The following INTS7 variants were observed in gnomAD, a reference collection of about 807,000 sequenced individuals.
The protein encoded by INTS7 is integrator complex subunit 7.
Under a neutral mutation model 109.2 loss-of-function variants are expected in INTS7, and 46 were observed. That is an observed-to-expected ratio of 0.42 (90% CI 0.33 to 0.54). The LOEUF (loss-of-function observed/expected upper bound fraction) is 0.54. INTS7 is among the 20% of genes least tolerant of loss of function. The probability of loss-of-function intolerance (pLI) is 0.07; values close to 1 mark genes in which losing one functional copy is unlikely to be tolerated. For missense variants in INTS7, 929 were observed against 1,132.4 expected, an observed-to-expected ratio of 0.82 and a Z score of 2.58; for synonymous variants, 412 against 402.9, an observed-to-expected ratio of 1.02 and a Z score of -0.27.
At chr1:212,032,718 A>T (rs1667226993) in intron 1 of INTS7, among the ~76,000 whole-genome samples, 1 of 152,018 alleles carries the variant, frequency 6.6e-6, no homozygotes, top group Non-Finnish European at 1.5e-5. Context: ...TGACTTCGTG[A>T]TCCGCCCGCC....
chr1:211,998,793 A>G (rs1665528980), intron 7 of INTS7, among the ~76,000 whole-genome samples: 1 of 151,984 alleles, frequency 6.6e-6, no homozygotes. Context: ...TAATATCAAG[A>G]ATATATAAAT....
rs1021429453 is a variant in INTS7, at chr1:211,959,039, A to G, written c.2184-6338T>C. Reference sequence around the variant, plus strand: ...AACAGTGACTTGAACTGGCAAAAAAACAACCAGCTACTGCCACGGGCCTCT... The same window carrying G: ...AACAGTGACTTGAACTGGCAAAAAAGCAACCAGCTACTGCCACGGGCCTCT... On this transcript the variant is annotated intron_variant, in intron 16 of 19. Transcript: ENST00000366994. The surrounding 1 kb of genome is among the most constrained non-coding windows in gnomAD (Gnocchi z 4.2). Among the ~76,000 whole-genome samples, 1 of 152,214 alleles carries G rather than the reference A, an allele frequency of 6.6e-6. No individual in the cohort carries two copies. The highest frequency in any genetic ancestry group is 1.5e-5 in the Non-Finnish European group (1 of 68,038).
rs114489579 is a variant in INTS7 at position 211,978,557 on chromosome 1, G to C, written c.1231-46C>G. The C allele has an allele frequency of 2.0e-3, 3,188 of 1,608,608 alleles. 54 individuals carry two copies. The African/African-American group carries it at 0.037, about 19-fold the overall frequency. Reference sequence around the variant, plus strand: ...GAACTAGTTACATTTTGAAGATACAGATGAAGCTTTAAGGAAAAGAGCTTT... The same window carrying C: ...GAACTAGTTACATTTTGAAGATACACATGAAGCTTTAAGGAAAAGAGCTTT... On this transcript the variant is annotated intron_variant, in intron 10 of 19. Transcript: ENST00000366994.
intron 5 of INTS7, 82 bp from the exon 6 acceptor site, chr1:212,007,531 G>C (rs1466144687): frequency 2.9e-6 from 3 of 1,034,774 alleles, no homozygotes; most frequent in Non-Finnish European, 4.5e-6. Context: ...GACTCATTTA[G>C]CAAAATTGCA....
chr1:212,003,376 A>G (rs1361441213), intron 7 of INTS7, among the ~76,000 whole-genome samples: 1 of 152,166 alleles, frequency 6.6e-6, no homozygotes, highest in African/African-American at 2.4e-5. Context: ...AAACCAGTAG[A>G]CAGCAGAATG....
At chr1:211,988,247 C>A (rs1459081688) in intron 7 of INTS7, among the ~76,000 whole-genome samples, 1 of 151,746 alleles carries the variant, frequency 6.6e-6, no homozygotes, top group African/African-American at 2.4e-5. Flanking sequence ...CAAAGTGAGG[C>A]CTTGTCTCTA....
chr1:211,952,573 T>C lies in INTS7; in HGVS notation c.2312A>G (p.Tyr771Cys), dbSNP rs1258210449. 4 of 1,611,834 alleles carry C rather than the reference T, an allele frequency of 2.5e-6. No individual in the cohort carries two copies. In the Admixed American group the frequency reaches 5.0e-5, roughly 20 times the overall value. Residue 771 changes from tyrosine (Y) to cysteine (C), a missense_variant, in exon 17 of 20, where the codon TAT (tyrosine) becomes TGT (cysteine). Tyr to Cys is a radical substitution (Grantham distance 194). Transcript: ENST00000366994. ...SLNRKYTPVS[Y>C]MHTACLCNAI... Reference sequence around the variant, plus strand: ...AATAAAACAAATGCCACTTGCCATATAAGAAACAGGGGTATATTTCCGATT... The same window carrying C: ...AATAAAACAAATGCCACTTGCCATACAAGAAACAGGGGTATATTTCCGATT...
In INTS7 at chr1:212,007,461, A is replaced by T. The variant is rs1337920531; in HGVS notation, c.557-12T>A. ...TGGTGTCGCTAAACCTAGACACAAA[A>T]ATAATTCTCAAGGTATTTGTGATCA... is the stretch of plus-strand genomic sequence containing the variant. On this transcript the variant is annotated splice_polypyrimidine_tract_variant and intron_variant, in intron 5 of 19. Transcript: ENST00000366994. 6.3e-7 allele frequency: 1 copy of T among 1,591,424 alleles called. No individual in the cohort carries two copies.
intron 19 of INTS7, among the ~76,000 whole-genome samples, chr1:211,943,676 G>GA (rs759645245): frequency 3.9e-5 from 6 of 152,198 alleles, no homozygotes; most frequent in Non-Finnish European, 5.9e-5. Context: ...CCATAGTTAA[G>GA]AAAGTAGTAA....
chr1:211,967,798 G>T, intron 15 of INTS7, 80 bp downstream of exon 15: 1 of 722,404 alleles, frequency 1.4e-6, no homozygotes, highest in South Asian at 1.7e-5. Flanking sequence ...GTATTTTGTA[G>T]GTAAGCATAT....
chr1:211,949,879 T>C (rs2808388), intron 17 of INTS7, among the ~76,000 whole-genome samples: 13,896 of 152,186 alleles, frequency 0.091, 994 homozygotes, highest in African/African-American at 0.2. Flanking sequence ...CTAGAAGACA[T>C]CACCCTATTT....
intron 4 of INTS7, 44 bp downstream of exon 4, chr1:212,016,842 T>C (rs770197718): frequency 1.3e-6 from 2 of 1,550,276 alleles, no homozygotes; most frequent in Non-Finnish European, 1.7e-6. Flanking sequence ...AAATTTTTCT[T>C]GGGAAGCCAA....
rs1159301356 is a variant in INTS7 at position 211,968,001 on chromosome 1, A to G, written c.2011-20T>C. On this transcript the variant is annotated intron_variant, in intron 14 of 19. Coordinates refer to ENST00000366994, the MANE Select transcript of INTS7 (RefSeq NM_015434.4). ...TTTCATCTATAAAAAAAAATCAATT[A>G]TGACAAACAAACATGCTATCATTAT... The G allele has an allele frequency of 1.5e-6, 2 of 1,346,644 alleles. No individual in the cohort carries two copies. The highest frequency in any genetic ancestry group is 4.2e-5 in the Admixed American group (2 of 48,068). The allele number at this position is 1,346,644 out of a possible 1,614,324, so 83.4% of individuals were successfully genotyped here.
intron 7 of INTS7, among the ~76,000 whole-genome samples, chr1:211,990,656 G>C (rs1057262228): frequency 2.6e-5 from 4 of 152,184 alleles, no homozygotes; most frequent in Non-Finnish European, 5.9e-5. Context: ...GAAAGATGCA[G>C]TATGTTTCTG....
At chr1:212,020,986 G>C in intron 2 of INTS7, 97 bp downstream of exon 2, 1 of 1,107,312 alleles carries the variant, frequency 9.0e-7, no homozygotes, top group Non-Finnish European at 1.3e-6. Flanking sequence ...TAACTAACCA[G>C]GTGGAAGTAC....
At chr1:211,961,434 T>TC (rs1663627579) in intron 16 of INTS7, among the ~76,000 whole-genome samples, 1 of 151,976 alleles carries the variant, frequency 6.6e-6, no homozygotes, top group South Asian at 2.1e-4. Context: ...TCAATTCTTT[T>TC]TTTTTTTTTT....
intron 1 of INTS7, among the ~76,000 whole-genome samples, chr1:212,023,996 C>T (rs552022267): frequency 3.3e-5 from 5 of 152,166 alleles, no homozygotes; most frequent in Admixed American, 6.5e-5. Context: ...TTATTTTTAT[C>T]GACTTTGTTG....
chr1:211,994,495 C>T (rs1571885330), intron 7 of INTS7, among the ~76,000 whole-genome samples: 1 of 148,630 alleles, frequency 6.7e-6, no homozygotes, highest in South Asian at 2.1e-4. Context: ...GTGATCTCAG[C>T]TCACTGCAAC....
intron 2 of INTS7, 180 bp downstream of exon 2, chr1:212,020,903 T>C: frequency 1.5e-6 from 1 of 648,996 alleles, no homozygotes; most frequent in Non-Finnish European, 2.4e-6. Context: ...TAAATTATAC[T>C]CTTCATTTTG....
Sources: allele counts gnomAD v4.1 joint callset (sites outside exome capture counted in the v4.1 genomes callset), GRCh38; gene constraint gnomAD v4.1.1; non-coding constraint Gnocchi (gnomAD v3.1); transcripts MANE v1.5; gene names NCBI Gene and HGNC (gene_info 2026-07-23, HGNC 2026-07-21).